The following APTX variants were observed in gnomAD, a reference collection of about 807,000 sequenced individuals.
APTX encodes aprataxin, also known as forkhead-associated domain histidine triad-like protein.
In APTX, 33 loss-of-function variants were observed where a neutral mutation model predicts 42.3. The ratio of observed to expected loss-of-function variants is 0.78; its 90% confidence interval spans 0.59 to 1.04. The LOEUF (loss-of-function observed/expected upper bound fraction) is 1.04. Ranked by LOEUF, APTX falls within the 50% of genes least tolerant of loss-of-function variation. APTX has a pLI of 0.00. For synonymous variants in APTX, 130 were observed against 146.7 expected, an observed-to-expected ratio of 0.89 and a Z score of 0.82; for missense variants, 421 against 415.1, an observed-to-expected ratio of 1.01 and a Z score of -0.12.
chr9:32,981,753 T>C (rs745330278), intron 6 of APTX, among the ~76,000 whole-genome samples: 1 of 152,122 alleles, frequency 6.6e-6, no homozygotes, highest in Non-Finnish European at 1.5e-5. Flanking sequence ...TAAACATCCA[T>C]GAGTCCATAC....
intron 1 of APTX, among the ~76,000 whole-genome samples, chr9:33,008,431 G>C (rs1837311503): frequency 6.6e-6 from 1 of 151,852 alleles, no homozygotes; most frequent in African/African-American, 2.4e-5. Flanking sequence ...ATTAGAGACA[G>C]GGTCTCACTG....
At chr9:33,024,367 A>G (rs1838669311) in intron 1 of APTX, among the ~76,000 whole-genome samples, 2 of 152,242 alleles carry the variant, frequency 1.3e-5, no homozygotes, top group South Asian at 4.1e-4. Context: ...CCCTGGATAA[A>G]GAAGCGGACC....
upstream of APTX, chr9:33,001,705 A>C (rs138208070): frequency 3.7e-3 from 5,547 of 1,500,946 alleles, 23 homozygotes; most frequent in South Asian, 7.9e-3. Flanking sequence ...GGCTGAAAGA[A>C]TCTTGCCCAC....
At chr9:33,012,801 A>T (rs1411087317) in intron 1 of APTX, among the ~76,000 whole-genome samples, 1 of 152,254 alleles carries the variant, frequency 6.6e-6, no homozygotes, top group Non-Finnish European at 1.5e-5. Context: ...GCAGCTTGCT[A>T]AACAGCATTA....
At chr9:32,981,149 T>C (rs563053413) in intron 6 of APTX, among the ~76,000 whole-genome samples, 44 of 152,330 alleles carry the variant, frequency 2.9e-4, no homozygotes, top group Non-Finnish European at 5.4e-4. Flanking sequence ...TATAGGCAAG[T>C]ACTGTACTCT....
chr9:33,015,016 G>A (rs10971319), intron 1 of APTX, among the ~76,000 whole-genome samples: 10,742 of 152,250 alleles, frequency 0.071, 516 homozygotes, highest in Non-Finnish European at 0.11. Flanking sequence ...ACAAATTCAT[G>A]GCCCAGCTGT....
chr9:32,973,346 T>C lies in APTX; in HGVS notation c.*152A>G, dbSNP rs998547589. The C allele has an allele frequency of 2.2e-6, 2 of 917,334 alleles. No individual in the cohort carries two copies. Among genetic ancestry groups the C allele is most frequent in the African/African-American group, 1.6e-5 (1 of 61,342 alleles). 56.8% of individuals were successfully genotyped at this position (917,334 alleles called of 1,614,324 possible). A position where few individuals can be genotyped will look rare whatever the true frequency, so the allele number is the denominator to read the frequency against. On this transcript the variant is annotated 3_prime_UTR_variant, in exon 8 of 8. Coordinates refer to ENST00000379817, the MANE Select transcript of APTX (RefSeq NM_001195248.2). ...AATCCTGAAGTACTTTGAGCCACTCTACATTGTGGCCACTCAATAATAGAA... is the reference window on the plus strand; with the variant it reads ...AATCCTGAAGTACTTTGAGCCACTCCACATTGTGGCCACTCAATAATAGAA...
chr9:32,980,000 G>A (rs546522466), intron 6 of APTX: 2 of 158,076 alleles, frequency 1.3e-5, no homozygotes, highest in Non-Finnish European at 1.4e-5. Flanking sequence ...TTTAACCAAA[G>A]AGAGTCAGAA....
intron 6 of APTX, among the ~76,000 whole-genome samples, chr9:32,983,860 T>C (rs1264358312): frequency 6.6e-6 from 1 of 151,868 alleles, no homozygotes; most frequent in Admixed American, 6.6e-5. Flanking sequence ...GAGGGGGAAA[T>C]GGAGAGTTAT....
chr9:33,003,773 C>T (rs1397964056), upstream of APTX, among the ~76,000 whole-genome samples: 1 of 152,146 alleles, frequency 6.6e-6, no homozygotes, highest in Admixed American at 6.5e-5. Context: ...TGCCCATTTG[C>T]GACTGGCTTA....
intron 1 of APTX, among the ~76,000 whole-genome samples, chr9:33,022,833 T>C (rs1838497697): frequency 6.6e-6 from 1 of 152,202 alleles, no homozygotes. Flanking sequence ...TTCTTAAAAG[T>C]GTTAACTTTT....
rs1554672735 is a variant in APTX, at chr9:33,000,643, A to AAAAG, written c.-5+923_-5+924insCTTT. ...TCTGTCTCAAAAAAAAAAAAAAAAAAAAAAGAAAAGAAAAGAAAAAGAAAA... is the reference window on the plus strand; with the variant it reads ...TCTGTCTCAAAAAAAAAAAAAAAAAAAAAGAAAAGAAAAGAAAAGAAAAAGAAAA... On this transcript the variant is annotated intron_variant, in intron 1 of 7. Transcript: ENST00000379817. Among the ~76,000 whole-genome samples, 23 of 146,476 alleles carry AAAAG rather than the reference A, an allele frequency of 1.6e-4. No homozygotes were observed. The East Asian group carries it at 4.7e-3, about 30-fold the overall frequency.
intron 1 of APTX, among the ~76,000 whole-genome samples, chr9:33,023,530 CG>C (rs1367121975): frequency 4.6e-5 from 7 of 152,192 alleles, no homozygotes; most frequent in Non-Finnish European, 1.0e-4. Context: ...GCCTGACTTA[CG>C]TGATTTTTGT....
chr9:32,993,819 A>G (rs1834209919), intron 1 of APTX, among the ~76,000 whole-genome samples: 1 of 151,600 alleles, frequency 6.6e-6, no homozygotes, highest in East Asian at 1.9e-4. Context: ...CATGGGTTCA[A>G]GCAATTCTCC....
At chr9:33,000,285 G>C (rs546169427) in intron 1 of APTX, among the ~76,000 whole-genome samples, 1 of 152,276 alleles carries the variant, frequency 6.6e-6, no homozygotes, top group South Asian at 2.1e-4. Context: ...TGTTAATAGC[G>C]AAGGTAGGGC....
intron 6 of APTX, among the ~76,000 whole-genome samples, chr9:32,980,741 G>T (rs970202884): frequency 1.3e-5 from 2 of 152,198 alleles, no homozygotes; most frequent in African/African-American, 4.8e-5. Context: ...TTTTGGAATA[G>T]AACAAACAGA....
At chr9:33,023,080 T>C (rs564324603) in intron 1 of APTX, among the ~76,000 whole-genome samples, 1 of 152,262 alleles carries the variant, frequency 6.6e-6, no homozygotes, top group Admixed American at 6.5e-5. Flanking sequence ...CCGCCTGCCT[T>C]GGCCTCCCAA....
upstream of APTX, among the ~76,000 whole-genome samples, chr9:33,004,694 G>A (rs10971296): frequency 0.072 from 10,534 of 146,678 alleles, 507 homozygotes; most frequent in Non-Finnish European, 0.11. Context: ...GTGCAGTGGT[G>A]CAATCTCGGC....
chr9:33,023,114 C>G lies in APTX; in HGVS notation c.-5+1909G>C, dbSNP rs7868557. On this transcript the variant is annotated intron_variant, in intron 1 of 6. Transcript: ENST00000436040. ...AAAGTGCTGGGATTACAGGCTTGAG[C>G]CACCATGCACCCCCTACTCTTCCTT... 5.0e-3 allele frequency among the ~76,000 whole-genome samples: 745 copies of G among 149,406 alleles called. 8 individuals carry two copies. Among genetic ancestry groups the G allele is most frequent in the African/African-American group, 0.018 (721 of 40,698 alleles).
Sources: allele counts gnomAD v4.1 joint callset (sites outside exome capture counted in the v4.1 genomes callset), GRCh38; gene constraint gnomAD v4.1.1; transcripts MANE v1.5; gene names NCBI Gene and HGNC (gene_info 2026-07-23, HGNC 2026-07-21).